MACROH2A2: variants seen among roughly 807,000 people sequenced by gnomAD.
MACROH2A2 encodes the protein core histone macro-H2A.2.
A neutral mutation model predicts 37.6 loss-of-function variants in MACROH2A2; 6 were observed. That is an observed-to-expected ratio of 0.16 (90% confidence interval 0.09 to 0.32). The LOEUF is 0.32. Ranked by LOEUF, MACROH2A2 falls within the 10% of genes least tolerant of loss-of-function variation. The pLI is 1.00. For synonymous variants in MACROH2A2, 192 were observed against 202.7 expected, an observed-to-expected ratio of 0.95 and a Z score of 0.45; for missense variants, 290 against 485.9, an observed-to-expected ratio of 0.60 and a Z score of 3.79.
intron 2 of MACROH2A2, among the ~76,000 whole-genome samples, chr10:70,082,740 A>G (rs1445416848): frequency 6.6e-6 from 1 of 152,238 alleles, no homozygotes; most frequent in African/African-American, 2.4e-5. Context: ...TACCCAGAGT[A>G]GGTGATACCT....
intron 7 of MACROH2A2, among the ~76,000 whole-genome samples, chr10:70,105,241 AAG>A (rs1463479738): frequency 6.6e-6 from 1 of 152,212 alleles, no homozygotes; most frequent in African/African-American, 2.4e-5. Flanking sequence ...AGTTCACGTT[AAG>A]CATCTACGGT....
chr10:70,105,197 G>C (rs2072329773), intron 7 of MACROH2A2, among the ~76,000 whole-genome samples: 3 of 152,356 alleles, frequency 2.0e-5, no homozygotes, highest in Non-Finnish European at 2.9e-5. Flanking sequence ...GAATACAAAA[G>C]TGCTTCAGTG....
chr10:70,109,983 T>C lies in MACROH2A2; in HGVS notation c.953+776T>C, dbSNP rs549535690. On this transcript the variant is annotated intron_variant, in intron 8 of 8. Coordinates refer to ENST00000373255, the MANE Select transcript of MACROH2A2 (RefSeq NM_018649.3). Reference sequence around the variant, plus strand: ...TCCTTTATAATATAGCTATGGTTTATAGCTGTGTCCTGGGAAGCCCAAGAG... The same window carrying C: ...TCCTTTATAATATAGCTATGGTTTACAGCTGTGTCCTGGGAAGCCCAAGAG... 4.6e-5 allele frequency among the ~76,000 whole-genome samples: 7 copies of C among 152,330 alleles called. No individual in the cohort carries two copies. The South Asian group carries it at 1.0e-3, about 23-fold the overall frequency.
chr10:70,070,554 C>G (rs1383491802), intron 1 of MACROH2A2, among the ~76,000 whole-genome samples: 2 of 152,078 alleles, frequency 1.3e-5, no homozygotes, highest in African/African-American at 2.4e-5. Context: ...TGCAATGGTA[C>G]AATCTCGGTT....
rs531593400 is a variant in MACROH2A2, at chr10:70,074,108, G to C, written c.-59-1492G>C. On this transcript the variant is annotated intron_variant, in intron 1 of 8. Coordinates refer to ENST00000373255, the MANE Select transcript of MACROH2A2 (RefSeq NM_018649.3). ...ACTTACTGAAGATTATATTCCATTT[G>C]TCGGTTACGGTACCCTGTCAACCAG... is the stretch of plus-strand genomic sequence containing the variant. Among the ~76,000 whole-genome samples, 3 of 152,182 alleles carry C rather than the reference G, an allele frequency of 2.0e-5. No homozygotes were observed. In the South Asian group the frequency reaches 6.2e-4, roughly 32 times the overall value.
At chr10:70,059,219 G>C (rs2072035948) in intron 1 of MACROH2A2, among the ~76,000 whole-genome samples, 1 of 152,048 alleles carries the variant, frequency 6.6e-6, no homozygotes, top group African/African-American at 2.4e-5. Context: ...AGGTGAGCTG[G>C]TGCAATGGTT....
At position 70,053,267 on chromosome 10, in the gene MACROH2A2, G is replaced by C. The variant is rs1014409043; in HGVS notation, c.-60+267G>C. Reference sequence around the variant, plus strand: ...GCCAGCGAGGGGCCGGGGGCGTCGAGGGTACTGAGAGGGGAAGGAGGAGGG... The same window carrying C: ...GCCAGCGAGGGGCCGGGGGCGTCGACGGTACTGAGAGGGGAAGGAGGAGGG... On this transcript the variant is annotated intron_variant, in intron 1 of 8. Coordinates refer to ENST00000373255, the MANE Select transcript of MACROH2A2 (RefSeq NM_018649.3). The surrounding 1 kb of genome is among the most constrained non-coding windows in gnomAD (Gnocchi z 4.8). 4.6e-5 allele frequency among the ~76,000 whole-genome samples: 7 copies of C among 152,176 alleles called. No homozygotes were observed. The highest frequency in any genetic ancestry group is 1.0e-4 in the Non-Finnish European group (7 of 68,024).
At chr10:70,060,349 G>A (rs1028419643) in intron 1 of MACROH2A2, among the ~76,000 whole-genome samples, 2 of 151,464 alleles carry the variant, frequency 1.3e-5, no homozygotes, top group East Asian at 1.9e-4. Flanking sequence ...CAGCCTGGGC[G>A]ACAGAGCCAG....
chr10:70,087,479 C>T (rs1166901124), intron 2 of MACROH2A2, among the ~76,000 whole-genome samples: 1 of 152,012 alleles, frequency 6.6e-6, no homozygotes, highest in African/African-American at 2.4e-5. Context: ...GGGATCCACC[C>T]ATCTCTGCCT....
At chr10:70,057,674 G>C (rs1324519080) in intron 1 of MACROH2A2, among the ~76,000 whole-genome samples, 1 of 152,168 alleles carries the variant, frequency 6.6e-6, no homozygotes, top group Non-Finnish European at 1.5e-5. Flanking sequence ...TTTTGAAATA[G>C]AGTGGACAAA....
At chr10:70,074,229 A>T (rs2072127255) in intron 1 of MACROH2A2, among the ~76,000 whole-genome samples, 1 of 152,202 alleles carries the variant, frequency 6.6e-6, no homozygotes, top group African/African-American at 2.4e-5. Flanking sequence ...TTGTCTTCAC[A>T]CAAAAGATAG....
At chr10:70,081,546 G>T (rs2072176752) in intron 2 of MACROH2A2, among the ~76,000 whole-genome samples, 1 of 152,090 alleles carries the variant, frequency 6.6e-6, no homozygotes, top group African/African-American at 2.4e-5. Flanking sequence ...GAGGCCAAGG[G>T]AAGGAAGGGA....
chr10:70,106,562 C>T (rs900846388), intron 7 of MACROH2A2, among the ~76,000 whole-genome samples: 1 of 151,842 alleles, frequency 6.6e-6, no homozygotes, highest in Non-Finnish European at 1.5e-5. Context: ...TTTGGGAGGC[C>T]GAGGTGGGTG....
chr10:70,091,168 G>A (rs2072242638), intron 3 of MACROH2A2, among the ~76,000 whole-genome samples: 1 of 152,166 alleles, frequency 6.6e-6, no homozygotes, highest in Non-Finnish European at 1.5e-5. Flanking sequence ...CCTGTGTTGT[G>A]TCTGGAATTC....
chr10:70,105,138 T>A (rs565256616), intron 7 of MACROH2A2, among the ~76,000 whole-genome samples: 2 of 152,178 alleles, frequency 1.3e-5, no homozygotes, highest in Admixed American at 6.5e-5. Flanking sequence ...TGTTGAATAT[T>A]GGAGCACCTG....
At position 70,075,629 on chromosome 10, in the gene MACROH2A2, T is replaced by A. The variant is rs370976813; in HGVS notation, c.-30T>A. On this transcript the variant is annotated 5_prime_UTR_variant, in exon 2 of 9. Coordinates refer to ENST00000373255, the MANE Select transcript of MACROH2A2 (RefSeq NM_018649.3). The surrounding 1 kb of genome is among the most constrained non-coding windows in gnomAD (Gnocchi z 5.0). The stretch of plus-strand genomic sequence containing the variant: ...GTGTTAGTGCCGGGAGGCCACTGTG[T>A]CAGCAAGCTGAGAGGGAAACTGAAG... 4.0e-5 allele frequency: 65 copies of A among 1,611,744 alleles called. No homozygotes were observed. In the African/African-American group the frequency reaches 6.9e-4, roughly 17 times the overall value.
chr10:70,081,555 G>A (rs111289365), intron 2 of MACROH2A2, among the ~76,000 whole-genome samples: 11 of 151,872 alleles, frequency 7.2e-5, no homozygotes, highest in African/African-American at 2.7e-4. Context: ...GGAAGGAAGG[G>A]AAGGCCAGGA....
chr10:70,088,749 T>G (rs2072226552), intron 2 of MACROH2A2, among the ~76,000 whole-genome samples: 1 of 152,184 alleles, frequency 6.6e-6, no homozygotes. Context: ...AGAGTGTAAG[T>G]CAGTCCTTCC....
chr10:70,093,483 G>C (rs1564546101), intron 4 of MACROH2A2, among the ~76,000 whole-genome samples: 1 of 152,238 alleles, frequency 6.6e-6, no homozygotes, highest in South Asian at 2.1e-4. Context: ...ATGTGCTGGT[G>C]CACAGGGGTA....
Sources: gnomAD v4.1 joint callset for allele counts (sites outside exome capture counted in the v4.1 genomes callset) on GRCh38, gnomAD v4.1.1 for gene constraint, Gnocchi (gnomAD v3.1) non-coding constraint, MANE v1.5 for transcripts, NCBI Gene and HGNC (gene_info 2026-07-23, HGNC 2026-07-21) for gene names.